The following PARP9 variants were observed in gnomAD, a reference collection of about 807,000 sequenced individuals.
The protein encoded by PARP9 is protein mono-ADP-ribosyltransferase PARP9.
Under a neutral mutation model 68.8 loss-of-function variants are expected in PARP9, and 48 were observed. That is an observed-to-expected ratio of 0.70 (90% CI 0.55 to 0.89). The LOEUF (loss-of-function observed/expected upper bound fraction) is 0.89, where lower values mean the gene tolerates loss of function less well. Among genes scored for constraint, PARP9 ranks in the 40% least tolerant of loss-of-function variants. The pLI is 0.00. For synonymous variants in PARP9, 309 were observed against 333.8 expected (o/e 0.93, Z 0.81); for missense variants, 806 against 969.3 (o/e 0.83, Z 2.24).
rs144001822 is a variant in PARP9, at chr3:122,555,827, G to A, written c.344C>T (p.Ala115Val). Residue 115 changes from alanine to valine, a missense_variant, in exon 4 of 11, where the codon GCC becomes GTC. Coordinates refer to ENST00000682323, the MANE Select transcript of PARP9 (RefSeq NM_001146105.2). ...NEDLLHGGGL[A>V]LALVKAGGFE... The stretch of plus-strand genomic sequence containing the variant: ...TCCACCAGCTTTTACCAGGGCCAGG[G>A]CCAGGCCTCCCCCATGCAGAAGATC... 1 of 1,613,878 alleles carries A rather than the reference G, an allele frequency of 6.2e-7. No individual in the cohort carries two copies. The highest frequency in any genetic ancestry group is 1.3e-5 in the African/African-American group (1 of 74,892).
At chr3:122,564,727 G>C, upstream of PARP9, 1 of 1,309,834 alleles carries the variant, frequency 7.6e-7, no homozygotes, top group Non-Finnish European at 1.0e-6. Context: ...GTATGTCACT[G>C]TGCGGTGGCG....
At chr3:122,564,502 C>T, upstream of PARP9, 1 of 1,612,920 alleles carries the variant, frequency 6.2e-7, no homozygotes, top group Non-Finnish European at 8.5e-7. Context: ...ACGAAGGAAG[C>T]TGGAGAGCTA....
intron 1 of PARP9, among the ~76,000 whole-genome samples, chr3:122,560,542 A>T (rs1171272620): frequency 6.6e-6 from 1 of 151,824 alleles, no homozygotes; most frequent in Non-Finnish European, 1.5e-5. Flanking sequence ...GCCCGCCACC[A>T]CGCCCAGCTA....
At chr3:122,539,507 A>ATTCCTTCCTTTCTTTCTTTCTTTCTTTC (rs1553714534) in intron 8 of PARP9, among the ~76,000 whole-genome samples, 1 of 133,162 alleles carries the variant, frequency 7.5e-6, no homozygotes, top group Non-Finnish European at 1.6e-5. Flanking sequence ...CCAAGATGGC[A>ATTCCTTCCTTTCTTTCTTTCTTTCTTTC]TTTCTTTCTT....
At chr3:122,538,658 C>CCACACA (rs10577699) in intron 8 of PARP9, among the ~76,000 whole-genome samples, 10,886 of 144,930 alleles carry the variant, frequency 0.075, 466 homozygotes, top group Middle Eastern at 0.16. Flanking sequence ...TAAAGCAATG[C>CCACACA]CACACACACA....
chr3:122,542,819 G>A (rs1189143177), intron 7 of PARP9, among the ~76,000 whole-genome samples: 1 of 151,992 alleles, frequency 6.6e-6, no homozygotes, highest in Non-Finnish European at 1.5e-5. Flanking sequence ...TTGGCAAAGC[G>A]AGCACTATTC....
At position 122,542,942 on chromosome 3, in the gene PARP9, C is replaced by T. The variant is rs1030484403; in HGVS notation, c.1385-2090G>A. Among the ~76,000 whole-genome samples the T allele has an allele frequency of 7.9e-5, 12 of 151,072 alleles. No individual in the cohort carries two copies. In the South Asian group the frequency reaches 1.7e-3, roughly 21 times the overall value. On this transcript the variant is annotated intron_variant, in intron 7 of 10. Coordinates refer to ENST00000682323, the MANE Select transcript of PARP9 (RefSeq NM_001146105.2). ...ATTTTTTTGAGACCAAGTCTCCCTC[C>T]GTTGCCCAAGCTGGAGTGCAGTGGC... is the stretch of plus-strand genomic sequence containing the variant.
chr3:122,554,724 C>T (rs187329972), intron 4 of PARP9, among the ~76,000 whole-genome samples: 3 of 152,130 alleles, frequency 2.0e-5, no homozygotes, highest in Admixed American at 6.5e-5. Context: ...GCACTGAATG[C>T]TATATTATTA....
At chr3:122,560,322 T>TAA (rs758042254) in intron 1 of PARP9, among the ~76,000 whole-genome samples, 1 of 152,224 alleles carries the variant, frequency 6.6e-6, no homozygotes, top group Non-Finnish European at 1.5e-5. Flanking sequence ...TGAAAATGCT[T>TAA]AAAGATACAG....
chr3:122,560,588 G>A (rs571165004), intron 1 of PARP9, among the ~76,000 whole-genome samples: 5 of 152,200 alleles, frequency 3.3e-5, no homozygotes, highest in South Asian at 2.1e-4. Context: ...AGGCTTCACC[G>A]TGTTAGCCAG....
At chr3:122,544,270 T>A (rs78200595) in intron 7 of PARP9, among the ~76,000 whole-genome samples, 14,285 of 152,240 alleles carry the variant, frequency 0.094, 841 homozygotes, top group Middle Eastern at 0.15. Context: ...AAGGAATCCC[T>A]TTCTCCCCTT....
At position 122,552,520 on chromosome 3, in the gene PARP9, T is replaced by G; in HGVS notation, c.1005A>C (p.Lys335Asn). ...MKSEFLATKA[K>N]QFQRSQLVLV... is the part of the protein sequence containing the mutation. ...GTACCAACTGGGACCGTTGAAACTG[T>G]TTAGCCTTTGTGGCAAGAAATTCCG... Residue 335 changes from lysine (K) to asparagine (N), a missense_variant, in exon 5 of 11, where the codon AAA becomes AAC. Around this residue, in one of 2 missense-constraint regions of PARP9, gnomAD observed 680 missense variants for 858.8 expected, o/e 0.79. Coordinates refer to ENST00000682323, the MANE Select transcript of PARP9 (RefSeq NM_001146105.2). The G allele has an allele frequency of 6.2e-7, 1 of 1,614,156 alleles. No individual in the cohort carries two copies. The highest frequency in any genetic ancestry group is 8.5e-7 in the Non-Finnish European group (1 of 1,180,000).
At position 122,559,719 on chromosome 3, in the gene PARP9, A is replaced by G; in HGVS notation, c.-89-10T>C. The G allele has an allele frequency of 8.3e-7, 1 of 1,209,616 alleles. No individual in the cohort carries two copies. The highest frequency in any genetic ancestry group is 1.1e-6 in the Non-Finnish European group (1 of 876,996). The allele number at this position is 1,209,616 out of a possible 1,614,324, so 74.9% of individuals were successfully genotyped here. A position where few individuals can be genotyped will look rare whatever the true frequency, so the allele number is the denominator to read the frequency against. ...ATATGGTGGCCCACTTCTAGGAATG[A>G]ATTAGAAAAGATGCAATAAACATTA... On this transcript the variant is annotated splice_polypyrimidine_tract_variant and intron_variant, in intron 1 of 10. Coordinates refer to ENST00000682323, the MANE Select transcript of PARP9 (RefSeq NM_001146105.2).
chr3:122,538,284 G>A (rs938519615), intron 8 of PARP9, among the ~76,000 whole-genome samples: 1 of 152,150 alleles, frequency 6.6e-6, no homozygotes, highest in Non-Finnish European at 1.5e-5. Flanking sequence ...TCAGGCACTG[G>A]GCTGGGCACT....
chr3:122,555,733 A>G lies in PARP9; in HGVS notation c.438T>C (p.Ala146=). 7 of 1,614,016 alleles carry G rather than the reference A, an allele frequency of 4.3e-6. No homozygotes were observed. Among genetic ancestry groups the G allele is most frequent in the Non-Finnish European group, 5.1e-6 (6 of 1,179,994 alleles). The change falls in exon 4 of 11, where the codon GCT becomes GCC. Residue 146 remains alanine (A), a synonymous_variant. Transcript: ENST00000682323. The part of the protein sequence containing the change: ...RYGKVSAGEI[A]VTGAGRLPCK... ...AGGGAAGCCTCCCTGCTCCCGTGAC[A>G]GCTATCTCACCAGCTGACACTTTAC... is the stretch of plus-strand genomic sequence containing the variant.
intron 5 of PARP9, among the ~76,000 whole-genome samples, chr3:122,552,074 C>A (rs772682253): frequency 2.0e-5 from 3 of 151,596 alleles, no homozygotes; most frequent in Non-Finnish European, 4.4e-5. Context: ...CACCACCACA[C>A]CTGGCTAATT....
rs528969532 is a variant in PARP9, at chr3:122,540,452, T to C, written c.1765+20A>G. On this transcript the variant is annotated intron_variant, in intron 8 of 10. Transcript: ENST00000682323. ...ACAATGGGGAGAATTTACTTTCTAATTTGATAGAAAGTTACTCACCTAACG... is the reference window on the plus strand; with the variant it reads ...ACAATGGGGAGAATTTACTTTCTAACTTGATAGAAAGTTACTCACCTAACG... The C allele has an allele frequency of 2.5e-6, 4 of 1,605,524 alleles. No homozygotes were observed. The East Asian group carries it at 6.7e-5, about 27-fold the overall frequency.
chr3:122,528,533 A>G lies in PARP9; in HGVS notation c.2291T>C (p.Val764Ala). Residue 764 changes from valine to alanine, a missense_variant, in exon 11 of 11, where the codon GTC (valine) becomes GCC (alanine). Val to Ala is a moderately conservative substitution (Grantham distance 64). This residue lies in a region of PARP9 where 680 missense variants were observed against 858.8 expected (regional missense o/e 0.79). Transcript: ENST00000682323. The part of the protein sequence containing the change: ...IDGHDSVVDN[V>A]SSPETFVIFS... ...AATAACAAAGGTTTCAGGGCTGGAGACATTGTCAACCACACTGTCATGACC... is the reference window on the plus strand; with the variant it reads ...AATAACAAAGGTTTCAGGGCTGGAGGCATTGTCAACCACACTGTCATGACC... 6.2e-7 allele frequency: 1 copy of G among 1,614,172 alleles called. No homozygotes were observed. The highest frequency in any genetic ancestry group is 8.5e-7 in the Non-Finnish European group (1 of 1,180,010).
chr3:122,545,354 C>T (rs2078620214), intron 7 of PARP9, 78 bp downstream of exon 7: 5 of 1,437,154 alleles, frequency 3.5e-6, no homozygotes, highest in Non-Finnish European at 2.9e-6. Context: ...TTCTCCCCTC[C>T]GTTAGTTCAG....
Sources: allele counts gnomAD v4.1 joint callset (sites outside exome capture counted in the v4.1 genomes callset), GRCh38; gene constraint gnomAD v4.1.1; regional missense constraint gnomAD v4.1.1; transcripts MANE v1.5; gene names NCBI Gene and HGNC (gene_info 2026-07-23, HGNC 2026-07-21).